Variants in HINT3 observed in about 807,000 individuals in gnomAD.
HINT3 encodes histidine triad nucleotide binding protein 3.
HINT3 carries 16 observed loss-of-function variants against 19.1 expected under a neutral mutation model. That is an observed-to-expected ratio of 0.84 (90% CI 0.57 to 1.27). The LOEUF (loss-of-function observed/expected upper bound fraction) is 1.27, where lower values mean the gene tolerates loss of function less well. Ranked by LOEUF, HINT3 falls within the 50% of genes most tolerant of loss-of-function variation. The probability of loss-of-function intolerance (pLI) is 0.00; values close to 1 mark genes in which losing one functional copy is unlikely to be tolerated. For missense variants in HINT3, 197 were observed against 225.8 expected, an observed-to-expected ratio of 0.87 and a Z score of 0.82; for synonymous variants, 75 against 84.8, an observed-to-expected ratio of 0.88 and a Z score of 0.63.
intron 1 of HINT3, 65 bp downstream of exon 1, chr6:125,957,243 A>G (rs1364276317): frequency 6.8e-7 from 1 of 1,461,008 alleles, no homozygotes; most frequent in East Asian, 2.5e-5. Flanking sequence ...TCCGGCAGGG[A>G]GGCCTCGCCG....
chr6:125,970,141 G>A (rs975975907), intron 2 of HINT3, among the ~76,000 whole-genome samples: 1 of 152,106 alleles, frequency 6.6e-6, no homozygotes, highest in Admixed American at 6.6e-5. Flanking sequence ...ACCTTGATGT[G>A]TAGTTCATTA....
At chr6:125,960,671 A>ATGGGG (rs1562211533) in intron 1 of HINT3, among the ~76,000 whole-genome samples, 1 of 92,472 alleles carries the variant, frequency 1.1e-5, no homozygotes, top group Non-Finnish European at 2.2e-5. Context: ...GGGGGAAAAA[A>ATGGGG]AAAGAAGTTA....
In HINT3 at chr6:125,971,212, C is replaced by T. The variant is rs138666643; in HGVS notation, c.320-1047C>T. ...TGATAAAGGAGATGGAATTTGGAAG[C>T]CAGAGTCATTATACAAATTTTTGGC... On this transcript the variant is annotated intron_variant, in intron 2 of 4. Transcript: ENST00000229633. 6.6e-5 allele frequency among the ~76,000 whole-genome samples: 10 copies of T among 152,252 alleles called. No homozygotes were observed. The East Asian group carries it at 1.9e-3, about 29-fold the overall frequency.
At chr6:125,963,838 G>C (rs1460424407) in intron 1 of HINT3, among the ~76,000 whole-genome samples, 1 of 152,030 alleles carries the variant, frequency 6.6e-6, no homozygotes, top group African/African-American at 2.4e-5. Flanking sequence ...TTCAAAAATG[G>C]CCACAATTCC....
chr6:125,977,442 TAGGC>T (rs1395473541), intron 4 of HINT3, among the ~76,000 whole-genome samples, 198 bp from the exon 5 acceptor site: 2 of 152,194 alleles, frequency 1.3e-5, no homozygotes, highest in Non-Finnish European at 2.9e-5. Flanking sequence ...ATTTGCAATG[TAGGC>T]AACAATCTGC....
intron 1 of HINT3, among the ~76,000 whole-genome samples, chr6:125,962,069 C>G (rs931768159): frequency 3.3e-5 from 5 of 149,972 alleles, no homozygotes; most frequent in African/African-American, 1.2e-4. Flanking sequence ...GTCTCTGAGG[C>G]CTAAAATGCC....
At chr6:125,975,097 C>T in intron 4 of HINT3, 124 bp downstream of exon 4, 1 of 780,532 alleles carries the variant, frequency 1.3e-6, no homozygotes, top group South Asian at 2.0e-5. Context: ...TTTTAACATA[C>T]TGCTTGCACA....
chr6:125,977,606 T>C (rs1247090325), intron 4 of HINT3, 38 bp from the exon 5 acceptor site: 2 of 1,094,632 alleles, frequency 1.8e-6, no homozygotes, highest in Non-Finnish European at 2.7e-6. Flanking sequence ...ATAGAGACTA[T>C]GATATCTAGA....
chr6:125,976,166 G>A (rs1789176169), intron 4 of HINT3, among the ~76,000 whole-genome samples: 2 of 152,136 alleles, frequency 1.3e-5, no homozygotes, highest in Non-Finnish European at 2.9e-5. Context: ...TTTAAAAAGT[G>A]TCTGATTTCT....
intron 1 of HINT3, among the ~76,000 whole-genome samples, chr6:125,966,449 G>T (rs967545630): frequency 1.5e-4 from 23 of 152,138 alleles, no homozygotes; most frequent in African/African-American, 5.6e-4. Flanking sequence ...GCTAGCTGGT[G>T]TTCTTTTTAT....
At position 125,967,009 on chromosome 6, in the gene HINT3, G is replaced by A. The variant is rs145990439; in HGVS notation, c.319+5G>A. 188 of 1,485,410 alleles carry A rather than the reference G, an allele frequency of 1.3e-4. No homozygotes were observed. The East Asian group carries it at 3.7e-3, about 29-fold the overall frequency. 92.0% of individuals were successfully genotyped at this position (1,485,410 alleles called of 1,614,324 possible). On this transcript the variant is annotated splice_donor_5th_base_variant and intron_variant, in intron 2 of 4. Coordinates refer to ENST00000229633, the MANE Select transcript of HINT3 (RefSeq NM_138571.5). Reference sequence around the variant, plus strand: ...GGAAAGATCAAGTAGAACTGGGTAAGATGATGGCAGTATTCTTCATGTTTA... The same window carrying A: ...GGAAAGATCAAGTAGAACTGGGTAAAATGATGGCAGTATTCTTCATGTTTA...
chr6:125,960,657 G>C lies in HINT3; in HGVS notation c.201+3479G>C, dbSNP rs112753910. ...GGGTGACAGAGCAAGACTCTCTCTG[G>C]GGGGGGGGAAAAAAAAAGAAGTTAG... On this transcript the variant is annotated intron_variant, in intron 1 of 4. Transcript: ENST00000229633. 4.5e-3 allele frequency among the ~76,000 whole-genome samples: 619 copies of C among 138,644 alleles called. 32 individuals carry two copies. The highest frequency in any genetic ancestry group is 0.016 in the African/African-American group (606 of 38,448). The allele number at this position is 138,644 out of a possible 152,430, so 91.0% of individuals were successfully genotyped here.
intron 2 of HINT3, among the ~76,000 whole-genome samples, chr6:125,969,356 T>C (rs183003381): frequency 1.3e-5 from 2 of 152,330 alleles, no homozygotes; most frequent in East Asian, 1.9e-4. Flanking sequence ...TATGTTCTGT[T>C]GGTCTGTGTG....
Position 125,976,895 on chromosome 6 carries a change from TA to T in HINT3, c.517-743del, listed in dbSNP as rs535558652. ...ACTCACAGACTTTAGTTTACCTTTT[TA>T]AAAAATAGACTTTATTTTTTAGAGC... On this transcript the variant is annotated intron_variant, in intron 4 of 4. Coordinates refer to ENST00000229633, the MANE Select transcript of HINT3 (RefSeq NM_138571.5). Among the ~76,000 whole-genome samples, 94 of 152,308 alleles carry T rather than the reference TA, an allele frequency of 6.2e-4. 1 individual carries two copies. In the South Asian group the frequency reaches 9.5e-3, roughly 15 times the overall value.
rs1366930412 is a variant in HINT3 at position 125,962,159 on chromosome 6, T to TACATATATATATATATAC, written c.202-4725_202-4724insTATATATATATATACACA. Among the ~76,000 whole-genome samples, 30 of 54,280 alleles carry TACATATATATATATATAC rather than the reference T, an allele frequency of 5.5e-4. 4 individuals carry two copies. Among genetic ancestry groups the TACATATATATATATATAC allele is most frequent in the East Asian group, 9.5e-4 (2 of 2,096 alleles). The allele number at this position is 54,280 out of a possible 152,430, so 35.6% of individuals were successfully genotyped here. ...TCGTGGATGGAAACCCATATATATATACACATATATATATATATATATATA... is the reference window on the plus strand; with the variant it reads ...TCGTGGATGGAAACCCATATATATATACATATATATATATATACACACATATATATATATATATATATA... On this transcript the variant is annotated intron_variant, in intron 1 of 4. Coordinates refer to ENST00000229633, the MANE Select transcript of HINT3 (RefSeq NM_138571.5).
At chr6:125,974,059 C>T (rs574837943) in intron 3 of HINT3, among the ~76,000 whole-genome samples, 11 of 152,320 alleles carry the variant, frequency 7.2e-5, no homozygotes, top group African/African-American at 2.4e-4. Flanking sequence ...AGGATCACTG[C>T]TGCAGTATAG....
chr6:125,963,716 T>A (rs1187947311), intron 1 of HINT3, among the ~76,000 whole-genome samples: 1 of 152,188 alleles, frequency 6.6e-6, no homozygotes, highest in Non-Finnish European at 1.5e-5. Flanking sequence ...CATAAACATA[T>A]ATACATTGTA....
At chr6:125,973,354 C>T (rs1371620281) in intron 3 of HINT3, among the ~76,000 whole-genome samples, 1 of 152,136 alleles carries the variant, frequency 6.6e-6, no homozygotes, top group Non-Finnish European at 1.5e-5. Flanking sequence ...GCTGGGATTA[C>T]AGGCGTGAGC....
rs1389282551 is a variant in HINT3, at chr6:125,962,255, CATATATATATATAT to C, written c.202-4630_202-4617del. Reference sequence around the variant, plus strand: ...ATATACACATATATATATATACACACATATATATATATATACATACATATATATATACACATATA... The same window carrying C: ...ATATACACATATATATATATACACACACATACATATATATATACACATATA... On this transcript the variant is annotated intron_variant, in intron 1 of 4. Coordinates refer to ENST00000229633, the MANE Select transcript of HINT3 (RefSeq NM_138571.5). Among the ~76,000 whole-genome samples, 5 of 14,954 alleles carry C rather than the reference CATATATATATATAT, an allele frequency of 3.3e-4. 1 individual carries two copies. The highest frequency in any genetic ancestry group is 2.8e-3 in the South Asian group (1 of 354). 9.8% of individuals were successfully genotyped at this position (14,954 alleles called of 152,430 possible).
Sources: allele counts gnomAD v4.1 joint callset (sites outside exome capture counted in the v4.1 genomes callset), GRCh38; gene constraint gnomAD v4.1.1; transcripts MANE v1.5; gene names NCBI Gene and HGNC (gene_info 2026-07-23, HGNC 2026-07-21).